The following MLLT3 variants were observed in gnomAD, a reference collection of about 807,000 sequenced individuals.
MLLT3 encodes the protein protein AF-9.
A neutral mutation model predicts 53.2 loss-of-function variants in MLLT3; 4 were observed. That is an observed-to-expected ratio of 0.08 (90% CI 0.04 to 0.17). The LOEUF is 0.17. MLLT3 is among the 10% of genes least tolerant of loss of function. The pLI is 1.00. For synonymous variants in MLLT3, 283 were observed against 230.6 expected (o/e 1.23, Z -2.06); for missense variants, 569 against 684.0 (o/e 0.83, Z 1.87).
chr9:20,432,272 G>A (rs1376657723), intron 4 of MLLT3, among the ~76,000 whole-genome samples: 11 of 152,244 alleles, frequency 7.2e-5, no homozygotes, highest in Non-Finnish European at 1.6e-4. Flanking sequence ...ATAAATGCTT[G>A]AATAATTTTA....
intron 10 of MLLT3, 23 bp from the exon 11 acceptor site, chr9:20,346,597 G>C (rs1820876387): frequency 3.7e-6 from 6 of 1,608,370 alleles, no homozygotes; most frequent in Non-Finnish European, 5.1e-6. Flanking sequence ...AGAAGAGAAA[G>C]TTTGGGCAAT....
chr9:20,599,598 G>T (rs186374203), intron 2 of MLLT3, among the ~76,000 whole-genome samples: 86 of 152,212 alleles, frequency 5.7e-4, no homozygotes, highest in African/African-American at 2.0e-3. Context: ...TAAAAGTAGA[G>T]ATATGACCTA....
chr9:20,588,242 T>C (rs1393248545), intron 2 of MLLT3, among the ~76,000 whole-genome samples: 2 of 151,122 alleles, frequency 1.3e-5, no homozygotes, highest in Non-Finnish European at 3.0e-5. Flanking sequence ...TTGGTGACTG[T>C]AGCCTTGTAG....
chr9:20,379,933 G>A (rs143477184), intron 5 of MLLT3, among the ~76,000 whole-genome samples: 59 of 152,100 alleles, frequency 3.9e-4, no homozygotes, highest in African/African-American at 1.2e-3. Flanking sequence ...AATGAAGTGA[G>A]GCAGGTACTG....
intron 5 of MLLT3, among the ~76,000 whole-genome samples, chr9:20,378,015 G>C (rs74557368): frequency 0.024 from 3,595 of 152,140 alleles, 55 homozygotes; most frequent in South Asian, 0.064. Context: ...GAACTCCAAA[G>C]TTCTTTGGGT....
At chr9:20,479,987 G>C (rs10964569) in intron 2 of MLLT3, among the ~76,000 whole-genome samples, 1 of 152,196 alleles carries the variant, frequency 6.6e-6, no homozygotes. Flanking sequence ...CCATGATGCC[G>C]AGTTATGCTT....
chr9:20,565,937 TTTATATATATATA>T (rs1819348768), intron 2 of MLLT3, among the ~76,000 whole-genome samples: 4 of 10,178 alleles, frequency 3.9e-4, no homozygotes, highest in East Asian at 6.1e-3. Context: ...TATATATATA[TTTATATATATATA>T]TATTTATATA....
At chr9:20,384,973 T>A (rs890147323) in intron 5 of MLLT3, among the ~76,000 whole-genome samples, 2 of 152,122 alleles carry the variant, frequency 1.3e-5, no homozygotes, top group African/African-American at 4.8e-5. Context: ...CCCTCTTCTT[T>A]GCCTTTTTAG....
intron 2 of MLLT3, among the ~76,000 whole-genome samples, chr9:20,540,331 C>T (rs1818597809): frequency 6.6e-6 from 1 of 152,250 alleles, no homozygotes; most frequent in East Asian, 1.9e-4. Context: ...TTACCTCCTG[C>T]ACTGCCCTAG....
rs577498131 is a variant in MLLT3, at chr9:20,582,318, T to C, written c.193+38336A>G. ...GGGTTTTGACAAATGTATAACGTCATGTAACCACTCATAACAGTATCAAAA... is the reference window on the plus strand; with the variant it reads ...GGGTTTTGACAAATGTATAACGTCACGTAACCACTCATAACAGTATCAAAA... On this transcript the variant is annotated intron_variant, in intron 2 of 10. Transcript: ENST00000380338. Among the ~76,000 whole-genome samples the C allele has an allele frequency of 1.2e-4, 18 of 152,332 alleles. 2 individuals carry two copies. The East Asian group carries it at 2.9e-3, about 24-fold the overall frequency.
chr9:20,486,703 G>C (rs550961243), intron 2 of MLLT3, among the ~76,000 whole-genome samples: 1 of 152,274 alleles, frequency 6.6e-6, no homozygotes, highest in South Asian at 2.1e-4. Flanking sequence ...TATTCTCCAA[G>C]GGCCAGCTCT....
intron 2 of MLLT3, among the ~76,000 whole-genome samples, chr9:20,515,314 C>G (rs780563482): frequency 4.6e-4 from 70 of 152,264 alleles, no homozygotes; most frequent in Non-Finnish European, 6.5e-4. Context: ...TACTTGTAGG[C>G]CAGGGCATTC....
intron 2 of MLLT3, among the ~76,000 whole-genome samples, chr9:20,477,192 C>A (rs924277509): frequency 3.3e-5 from 5 of 152,124 alleles, no homozygotes; most frequent in Non-Finnish European, 5.9e-5. Context: ...TTATTAAATT[C>A]TTCTATTTGC....
At chr9:20,487,868 A>G (rs1405138661) in intron 2 of MLLT3, among the ~76,000 whole-genome samples, 1 of 152,170 alleles carries the variant, frequency 6.6e-6, no homozygotes, top group African/African-American at 2.4e-5. Context: ...AGTATTTGAG[A>G]GAGATGAATA....
rs902178984 is a variant in MLLT3, at chr9:20,343,855, G to A, written c.*2588C>T. Reference sequence around the variant, plus strand: ...TTCAAAGTTGGGTGTATATAAATGTGACAGAACTGAAGGGGTTACTTTAAG... The same window carrying A: ...TTCAAAGTTGGGTGTATATAAATGTAACAGAACTGAAGGGGTTACTTTAAG... On this transcript the variant is annotated 3_prime_UTR_variant, in exon 11 of 11. Transcript: ENST00000380338. 10 of 208,372 alleles carry A rather than the reference G, an allele frequency of 4.8e-5. No homozygotes were observed. Among genetic ancestry groups the A allele is most frequent in the Non-Finnish European group, 2.9e-5 (3 of 102,532 alleles). 12.9% of individuals were successfully genotyped at this position (208,372 alleles called of 1,614,324 possible).
chr9:20,380,384 G>A (rs948958429), intron 5 of MLLT3: 2 of 151,824 alleles, frequency 1.3e-5, no homozygotes, highest in Non-Finnish European at 2.9e-5. Context: ...GGATGGTTAG[G>A]GATCGTTTCT....
At chr9:20,616,415 G>A (rs1293741187) in intron 2 of MLLT3, among the ~76,000 whole-genome samples, 1 of 151,708 alleles carries the variant, frequency 6.6e-6, no homozygotes, top group East Asian at 1.9e-4. Flanking sequence ...ATTCTATATT[G>A]GTTTTTTATT....
At chr9:20,597,260 T>C (rs1820297093) in intron 2 of MLLT3, among the ~76,000 whole-genome samples, 1 of 152,008 alleles carries the variant, frequency 6.6e-6, no homozygotes. Flanking sequence ...TGGCACACAG[T>C]AGGCCACTGA....
intron 2 of MLLT3, among the ~76,000 whole-genome samples, chr9:20,574,168 C>A (rs1819597791): frequency 6.6e-6 from 1 of 152,138 alleles, no homozygotes. Context: ...TAACAAGTTC[C>A]TAGGTGATAA....
Sources: allele counts gnomAD v4.1 joint callset (sites outside exome capture counted in the v4.1 genomes callset), GRCh38; gene constraint gnomAD v4.1.1; transcripts MANE v1.5; gene names NCBI Gene and HGNC (gene_info 2026-07-23, HGNC 2026-07-21).